CELF2: variants seen among roughly 807,000 people sequenced by gnomAD.
The protein encoded by CELF2 is CUG triplet repeat RNA-binding protein 2.
CELF2 carries 8 observed loss-of-function variants against 62.6 expected under a neutral mutation model. That is an observed-to-expected ratio of 0.13 (90% CI 0.07 to 0.23). The LOEUF (loss-of-function observed/expected upper bound fraction) is 0.23, where lower values mean the gene tolerates loss of function less well. CELF2 is among the 10% of genes least tolerant of loss of function. The probability of loss-of-function intolerance (pLI) is 1.00; values close to 1 mark genes in which losing one functional copy is unlikely to be tolerated. For missense variants in CELF2, 333 were observed against 671.0 expected, an observed-to-expected ratio of 0.50 and a Z score of 5.56; for synonymous variants, 258 against 250.0, an observed-to-expected ratio of 1.03 and a Z score of -0.30.
intron 1 of CELF2, among the ~76,000 whole-genome samples, chr10:10,900,231 A>C (rs2062840299): frequency 6.6e-6 from 1 of 152,226 alleles, no homozygotes; most frequent in South Asian, 2.1e-4. Flanking sequence ...TCATTCTATG[A>C]GACAAGCATC....
the CELF2 span, among the ~76,000 whole-genome samples, chr10:10,787,057 T>G: frequency 6.6e-6 from 1 of 152,188 alleles, no homozygotes; most frequent in Non-Finnish European, 1.5e-5. Context: ...AGACAAAAAT[T>G]ATGTGGCGTG....
chr10:11,036,062 G>C (rs1000147169), intron 1 of CELF2, among the ~76,000 whole-genome samples: 3 of 152,202 alleles, frequency 2.0e-5, no homozygotes, highest in African/African-American at 7.2e-5. Context: ...ACTGCAGGAA[G>C]CTGTCTGATC....
chr10:10,597,970 C>T, the CELF2 span, among the ~76,000 whole-genome samples: 9 of 152,176 alleles, frequency 5.9e-5, no homozygotes, highest in East Asian at 1.4e-3. Context: ...TTTAATGAAT[C>T]GAGTCTAAGG....
intron 1 of CELF2, among the ~76,000 whole-genome samples, chr10:10,884,012 T>C (rs1440610859): frequency 6.6e-6 from 1 of 151,778 alleles, no homozygotes; most frequent in African/African-American, 2.4e-5. Flanking sequence ...CCCTCCCTCC[T>C]GCTCTTCCTC....
chr10:10,478,071 T>C, the CELF2 span, among the ~76,000 whole-genome samples: 4 of 152,196 alleles, frequency 2.6e-5, no homozygotes, highest in African/African-American at 9.6e-5. Flanking sequence ...CCGGATTCTA[T>C]ATAAACAGTT....
intron 1 of CELF2, among the ~76,000 whole-genome samples, chr10:10,826,573 C>G (rs1205951822): frequency 6.6e-6 from 1 of 152,174 alleles, no homozygotes; most frequent in Non-Finnish European, 1.5e-5. Flanking sequence ...TTTTGTCTGA[C>G]AATCCTGTCT....
intron 9 of CELF2, among the ~76,000 whole-genome samples, chr10:11,304,677 C>G (rs556301075): frequency 6.6e-6 from 1 of 152,318 alleles, no homozygotes; most frequent in East Asian, 1.9e-4. Flanking sequence ...AATTCATGAA[C>G]GGATTAATCC....
the CELF2 span, among the ~76,000 whole-genome samples, chr10:10,619,394 G>T: frequency 1.3e-5 from 2 of 152,166 alleles, no homozygotes; most frequent in African/African-American, 4.8e-5. Flanking sequence ...AAACCATCTG[G>T]ACCTTGAGTC....
the CELF2 span, among the ~76,000 whole-genome samples, chr10:10,541,813 C>T: frequency 4.6e-5 from 7 of 152,196 alleles, no homozygotes; most frequent in Middle Eastern, 6.8e-3. Context: ...GTATCTTGTG[C>T]CAGCCTATCT....
the CELF2 span, among the ~76,000 whole-genome samples, chr10:10,486,563 T>A: frequency 7.2e-5 from 11 of 152,222 alleles, no homozygotes; most frequent in East Asian, 2.1e-3. Context: ...TGGCCTTTTA[T>A]TATGGGGAGA....
At chr10:10,703,723 T>C in the CELF2 span, among the ~76,000 whole-genome samples, 3 of 152,166 alleles carry the variant, frequency 2.0e-5, no homozygotes, top group Non-Finnish European at 4.4e-5. Flanking sequence ...ATAATAAAAA[T>C]TGAGGTACAT....
chr10:10,555,876 C>A, the CELF2 span, among the ~76,000 whole-genome samples: 22 of 152,070 alleles, frequency 1.4e-4, no homozygotes, highest in South Asian at 6.2e-4. Flanking sequence ...TTGCCCAGGC[C>A]CTAATTGTTT....
At chr10:11,119,661 A>G (rs1480005160) in intron 1 of CELF2, among the ~76,000 whole-genome samples, 1 of 152,184 alleles carries the variant, frequency 6.6e-6, no homozygotes, top group Non-Finnish European at 1.5e-5. Flanking sequence ...CCCTAGGAAA[A>G]AAATGAGTGA....
At chr10:10,659,579 C>A in the CELF2 span, among the ~76,000 whole-genome samples, 2 of 152,116 alleles carry the variant, frequency 1.3e-5, no homozygotes, top group South Asian at 2.1e-4. Context: ...TAGTTCATAC[C>A]TTACCTGTCC....
intron 2 of CELF2, among the ~76,000 whole-genome samples, chr10:11,188,402 G>T (rs1046942304): frequency 3.3e-5 from 5 of 152,214 alleles, no homozygotes; most frequent in Non-Finnish European, 7.3e-5. Flanking sequence ...ACCACGCCCA[G>T]ACTGAAGTAT....
rs1438614262 is a variant in CELF2, at chr10:11,012,417, T to G, written c.53+6977T>G. ...TATTTGTTCAGAAAAAGGACAGACA[T>G]TCAGGCACATGGGCTGTCATGCCCA... On this transcript the variant is annotated intron_variant, in intron 1 of 12. Transcript: ENST00000416382. This position sits in a 1 kb window ranked among gnomAD's most constrained non-coding sequence, Gnocchi z 5.5. Among the ~76,000 whole-genome samples, 2 of 152,192 alleles carry G rather than the reference T, an allele frequency of 1.3e-5. No individual in the cohort carries two copies. Among genetic ancestry groups the G allele is most frequent in the Admixed American group, 6.5e-5 (1 of 15,284 alleles).
intron 1 of CELF2, among the ~76,000 whole-genome samples, chr10:10,885,741 T>G (rs953153343): frequency 6.6e-6 from 1 of 152,182 alleles, no homozygotes; most frequent in Non-Finnish European, 1.5e-5. Flanking sequence ...TGATGTGCCT[T>G]TCCCAGCTTC....
intron 3 of CELF2, among the ~76,000 whole-genome samples, chr10:11,230,305 T>A (rs2068165747): frequency 1.3e-5 from 2 of 151,866 alleles, no homozygotes; most frequent in African/African-American, 2.4e-5. Flanking sequence ...ATTTTTTTTT[T>A]AATTGAAAAT....
Position 11,267,999 on chromosome 10 carries a change from C to T in CELF2, c.618+1322C>T, listed in dbSNP as rs1211489279. On this transcript the variant is annotated intron_variant, in intron 6 of 12. Transcript: ENST00000633077. The surrounding 1 kb of genome is among the most constrained non-coding windows in gnomAD (Gnocchi z 4.4). ...TTTTAAGACACTCACAACCCCCTACCTGAAGGCAAGCTCAGGTGAAAATCG... is the reference window on the plus strand; with the variant it reads ...TTTTAAGACACTCACAACCCCCTACTTGAAGGCAAGCTCAGGTGAAAATCG... Among the ~76,000 whole-genome samples, 2 of 152,152 alleles carry T rather than the reference C, an allele frequency of 1.3e-5. No homozygotes were observed. Among genetic ancestry groups the T allele is most frequent in the African/African-American group, 4.8e-5 (2 of 41,432 alleles).
Sources: gnomAD v4.1 joint callset for allele counts (sites outside exome capture counted in the v4.1 genomes callset) on GRCh38, gnomAD v4.1.1 for gene constraint, Gnocchi (gnomAD v3.1) non-coding constraint, MANE v1.5 for transcripts, NCBI Gene and HGNC (gene_info 2026-07-23, HGNC 2026-07-21) for gene names.